UBE3C: variants seen among roughly 807,000 people sequenced by gnomAD.
The protein encoded by UBE3C is ubiquitin-protein ligase E3C.
UBE3C carries 42 observed loss-of-function variants against 129.4 expected under a neutral mutation model. The ratio of observed to expected loss-of-function variants is 0.32; its 90% CI spans 0.25 to 0.42. The LOEUF (loss-of-function observed/expected upper bound fraction) is 0.42, where lower values mean the gene tolerates loss of function less well. UBE3C is among the 10% of genes least tolerant of loss of function. The pLI is 1.00. For synonymous variants in UBE3C, 510 were observed against 492.4 expected (o/e 1.04, Z -0.47); for missense variants, 1,049 against 1,319.1 (o/e 0.80, Z 3.17).
intron 17 of UBE3C, among the ~76,000 whole-genome samples, chr7:157,227,155 T>G (rs1011923563): frequency 2.0e-5 from 3 of 152,092 alleles, no homozygotes; most frequent in African/African-American, 7.2e-5. Context: ...AAAAAATAGA[T>G]GTGACAAAAC....
chr7:157,250,803 C>G (rs1796603191), intron 19 of UBE3C, among the ~76,000 whole-genome samples: 2 of 152,318 alleles, frequency 1.3e-5, no homozygotes, highest in South Asian at 4.1e-4. Context: ...CTTGCACCAC[C>G]TAGTGGCCTG....
chr7:157,242,519 T>TG lies in UBE3C; in HGVS notation c.2482-5849_2482-5848insG, dbSNP rs1796360686. On this transcript the variant is annotated intron_variant, in intron 18 of 22. Coordinates refer to ENST00000348165, the MANE Select transcript of UBE3C (RefSeq NM_014671.3). ...CTTGAGACTGAGCCTGAGTTGTTTT[T>TG]TTTTTTTTTTTTTTTTTTAAATTCC... Among the ~76,000 whole-genome samples, 3 of 146,348 alleles carry TG rather than the reference T, an allele frequency of 2.0e-5. No individual in the cohort carries two copies. The Admixed American group carries it at 2.1e-4, about 10-fold the overall frequency.
intron 10 of UBE3C, chr7:157,192,813 A>G: frequency 7.7e-7 from 1 of 1,298,232 alleles, no homozygotes; most frequent in Non-Finnish European, 1.1e-6. Context: ...TACTGCTTCA[A>G]CAAACCAGAA....
chr7:157,208,170 G>A (rs899696850), intron 13 of UBE3C, among the ~76,000 whole-genome samples: 2 of 144,142 alleles, frequency 1.4e-5, no homozygotes, highest in East Asian at 4.6e-4. Context: ...GAACTCCTGG[G>A]ATCAAGCAAT....
At chr7:157,170,493 T>C in intron 4 of UBE3C, 43 bp downstream of exon 4, 1 of 1,444,878 alleles carries the variant, frequency 6.9e-7, no homozygotes, top group South Asian at 1.5e-5. Context: ...TTTACACGTG[T>C]TCTGCTTTTT....
In UBE3C at chr7:157,186,972, G is replaced by A. The variant is rs761967751; in HGVS notation, c.1282G>A (p.Val428Ile). 19 of 1,612,312 alleles carry A rather than the reference G, an allele frequency of 1.2e-5. No homozygotes were observed. Among genetic ancestry groups the A allele is most frequent in the African/African-American group, 8.0e-5 (6 of 74,886 alleles). Reference sequence around the variant, plus strand: ...GGAGGTCTTCACCACCATGGCCTCCGTCTGCCACACGCTGATGGTGCAGCA... The same window carrying A: ...GGAGGTCTTCACCACCATGGCCTCCATCTGCCACACGCTGATGGTGCAGCA... Reference protein sequence around the residue: ...SEEVFTTMASVCHTLMVQHRM... With the variant: ...SEEVFTTMASICHTLMVQHRM... The change falls in exon 10 of 23, where the codon GTC becomes ATC. Residue 428 changes from valine (V) to isoleucine (I), a missense_variant. Val to Ile is a conservative substitution (Grantham distance 29). This residue lies in a region of UBE3C where 489 missense variants were observed against 513.8 expected (regional missense o/e 0.95). Transcript: ENST00000348165.
chr7:157,147,508 T>C (rs1807639033), intron 1 of UBE3C, among the ~76,000 whole-genome samples: 1 of 152,234 alleles, frequency 6.6e-6, no homozygotes, highest in African/African-American at 2.4e-5. Context: ...CTGATCTGTA[T>C]GCCTTTTTTT....
Position 157,253,814 on chromosome 7 carries a change from A to T in UBE3C, c.2695-140A>T, listed in dbSNP as rs1222497552. The stretch of plus-strand genomic sequence containing the variant: ...TTGGCATCTGCACAATGCTGTGCAT[A>T]CTCGGGTACTATTTCGTATTTAGAT... On this transcript the variant is annotated intron_variant, in intron 19 of 22. Transcript: ENST00000348165. 5.0e-6 allele frequency: 4 copies of T among 793,186 alleles called. No individual in the cohort carries two copies. The East Asian group carries it at 1.1e-4, about 22-fold the overall frequency. The allele number at this position is 793,186 out of a possible 1,614,324, so 49.1% of individuals were successfully genotyped here.
intron 1 of UBE3C, among the ~76,000 whole-genome samples, chr7:157,148,864 C>G (rs978059428): frequency 1.3e-5 from 2 of 151,406 alleles, no homozygotes; most frequent in African/African-American, 4.9e-5. Flanking sequence ...ATTCTCCTGC[C>G]TCAGCCTCCT....
chr7:157,257,130 TTTTACATACAC>T, intron 22 of UBE3C, 86 bp downstream of exon 22: 1 of 1,531,024 alleles, frequency 6.5e-7, no homozygotes, highest in African/African-American at 1.4e-5. Context: ...AATGAAGTCC[TTTTACATACAC>T]TTTTGTTTTT....
In UBE3C at chr7:157,157,028, C is replaced by T. The variant is rs114243773; in HGVS notation, c.67-6782C>T. 3.4e-3 allele frequency among the ~76,000 whole-genome samples: 524 copies of T among 152,152 alleles called. 2 individuals are homozygous for T. Among genetic ancestry groups the T allele is most frequent in the African/African-American group, 0.012 (489 of 41,482 alleles). ...AATTACCCTTTTAAAAACTCATGTC[C>T]GGCCCAGGCGGTAGGAGGAAAAAAT... is the stretch of plus-strand genomic sequence containing the variant. On this transcript the variant is annotated intron_variant, in intron 1 of 22. Coordinates refer to ENST00000348165, the MANE Select transcript of UBE3C (RefSeq NM_014671.3).
intron 22 of UBE3C, among the ~76,000 whole-genome samples, chr7:157,262,490 C>G (rs1796946256): frequency 7.6e-6 from 1 of 131,184 alleles, no homozygotes; most frequent in Non-Finnish European, 1.6e-5. Context: ...CCCATCTCAG[C>G]TCGCTGCAAC....
intron 1 of UBE3C, among the ~76,000 whole-genome samples, chr7:157,157,934 C>A (rs760983265): frequency 6.7e-6 from 1 of 150,112 alleles, no homozygotes; most frequent in African/African-American, 2.5e-5. Context: ...GAGCCAAGAT[C>A]GTGCCACTGC....
At position 157,173,132 on chromosome 7, in the gene UBE3C, G is replaced by T. The variant is rs186972189; in HGVS notation, c.343-1787G>T. Among the ~76,000 whole-genome samples the T allele has an allele frequency of 6.6e-5, 10 of 152,362 alleles. No individual in the cohort carries two copies. The East Asian group carries it at 1.9e-3, about 29-fold the overall frequency. Reference sequence around the variant, plus strand: ...CTCAGGCCTGTAATACCAACACTTTGTGGGGCTGAGGTGGGAGGATCCCTT... The same window carrying T: ...CTCAGGCCTGTAATACCAACACTTTTTGGGGCTGAGGTGGGAGGATCCCTT... On this transcript the variant is annotated intron_variant, in intron 4 of 22. Transcript: ENST00000348165.
In UBE3C at chr7:157,170,153, T is replaced by C. The variant is rs10250518; in HGVS notation, c.196-151T>C. 9.7e-3 allele frequency: 6,539 copies of C among 675,614 alleles called. 68 individuals carry two copies. The highest frequency in any genetic ancestry group is 0.035 in the Middle Eastern group (72 of 2,074). 41.9% of individuals were successfully genotyped at this position (675,614 alleles called of 1,614,324 possible). A position where few individuals can be genotyped will look rare whatever the true frequency, so the allele number is the denominator to read the frequency against. On this transcript the variant is annotated intron_variant, in intron 3 of 22. Transcript: ENST00000348165. ...TTTTTTTCTTTTTAACCATTTTTTT[T>C]CTACAATTCAACTGTGAGCAAGGAC...
intron 15 of UBE3C, 61 bp downstream of exon 15, chr7:157,220,837 T>C (rs1586699184): frequency 6.4e-7 from 1 of 1,551,626 alleles, no homozygotes; most frequent in East Asian, 2.3e-5. Context: ...AATTCACTCC[T>C]TTAATCTACA....
rs1554425931 is a variant in UBE3C at position 157,181,636 on chromosome 7, G to A, written c.735G>A (p.Leu245=). 7.4e-6 allele frequency: 12 copies of A among 1,613,546 alleles called. No individual in the cohort carries two copies. The highest frequency in any genetic ancestry group is 8.5e-6 in the Non-Finnish European group (10 of 1,179,866). ...KILLENVLKP[L]HFTYNSCPEG... Reference sequence around the variant, plus strand: ...TGCTAGAGAATGTTCTAAAACCATTGCACTTTACTTACAACTCCTGTCCGG... The same window carrying A: ...TGCTAGAGAATGTTCTAAAACCATTACACTTTACTTACAACTCCTGTCCGG... Residue 245 remains leucine (L), a synonymous_variant, in exon 7 of 23, where the codon TTG becomes TTA. Coordinates refer to ENST00000348165, the MANE Select transcript of UBE3C (RefSeq NM_014671.3).
rs1178897526 is a variant in UBE3C at position 157,269,049 on chromosome 7, CAATG to C, written c.*1297_*1300del. On this transcript the variant is annotated 3_prime_UTR_variant, in exon 23 of 23. Coordinates refer to ENST00000348165, the MANE Select transcript of UBE3C (RefSeq NM_014671.3). ...GGAAAGCTGAATGACACTTTTAAGACAATGAACATTATCAAAACAAAATGTATAA... is the reference window on the plus strand; with the variant it reads ...GGAAAGCTGAATGACACTTTTAAGACAACATTATCAAAACAAAATGTATAA... 1 of 152,538 alleles carries C rather than the reference CAATG, an allele frequency of 6.6e-6. No individual in the cohort carries two copies. The highest frequency in any genetic ancestry group is 2.4e-5 in the African/African-American group (1 of 41,414). The allele number at this position is 152,538 out of a possible 1,614,324, so 9.4% of individuals were successfully genotyped here. A position where few individuals can be genotyped will look rare whatever the true frequency, so the allele number is the denominator to read the frequency against.
chr7:157,242,809 C>T (rs1365690435), intron 18 of UBE3C, among the ~76,000 whole-genome samples: 1 of 152,112 alleles, frequency 6.6e-6, no homozygotes, highest in African/African-American at 2.4e-5. Flanking sequence ...GTAATCCCAG[C>T]ACTTTGGGAG....
Sources: gnomAD v4.1 joint callset for allele counts (sites outside exome capture counted in the v4.1 genomes callset) on GRCh38, gnomAD v4.1.1 for gene constraint, gnomAD v4.1.1 regional missense constraint, MANE v1.5 for transcripts, NCBI Gene and HGNC (gene_info 2026-07-23, HGNC 2026-07-21) for gene names.